PTER: variants seen among roughly 807,000 people sequenced by gnomAD.
PTER encodes phosphotriesterase related.
PTER carries 38 observed loss-of-function variants against 29.6 expected under a neutral mutation model. The ratio of observed to expected loss-of-function variants is 1.28; its 90% confidence interval spans 0.99 to 1.68. The LOEUF is 1.68. PTER is among the 40% of genes most tolerant of loss of function. The pLI, the probability that PTER is intolerant of heterozygous loss-of-function variation, is 0.00. For missense variants in PTER, 482 were observed against 427.8 expected, an observed-to-expected ratio of 1.13 and a Z score of -1.12; for synonymous variants, 172 against 154.5, an observed-to-expected ratio of 1.11 and a Z score of -0.84.
intron 1 of PTER, among the ~76,000 whole-genome samples, chr10:16,452,301 GT>G (rs5783503): frequency 0.58 from 79,908 of 137,550 alleles, 22,938 homozygotes; most frequent in East Asian, 0.79. Context: ...GACTTTTTTT[GT>G]TTTTTTTTTT....
chr10:16,508,256 G>A (rs1338819986), intron 4 of PTER, among the ~76,000 whole-genome samples: 1 of 151,842 alleles, frequency 6.6e-6, no homozygotes, highest in Non-Finnish European at 1.5e-5. Flanking sequence ...TTTTAGTAGA[G>A]ACGGGGTTTC....
At chr10:16,518,105 G>A (rs1241233275), downstream of PTER, among the ~76,000 whole-genome samples, 2 of 152,214 alleles carry the variant, frequency 1.3e-5, no homozygotes, top group African/African-American at 2.4e-5. Flanking sequence ...TCAGCTCAGA[G>A]AGGGAACCTG....
chr10:16,449,349 G>A (rs557746007), intron 1 of PTER, among the ~76,000 whole-genome samples: 1 of 150,100 alleles, frequency 6.7e-6, no homozygotes, highest in African/African-American at 2.4e-5. Context: ...TGGACCCACT[G>A]TATTTCAGAC....
chr10:16,506,774 A>G (rs1836585874), intron 4 of PTER, among the ~76,000 whole-genome samples: 1 of 133,938 alleles, frequency 7.5e-6, no homozygotes, highest in Non-Finnish European at 1.5e-5. Context: ...TGAGAAAAAA[A>G]GAGTGGATTT....
At chr10:16,458,226 T>G (rs1333309451) in intron 1 of PTER, among the ~76,000 whole-genome samples, 1 of 132,890 alleles carries the variant, frequency 7.5e-6, no homozygotes, top group East Asian at 2.9e-4. Flanking sequence ...TGCCCAGCAC[T>G]TTTTTTTTTT....
intron 2 of PTER, among the ~76,000 whole-genome samples, chr10:16,486,064 A>G (rs1248568314): frequency 6.6e-6 from 1 of 152,100 alleles, no homozygotes; most frequent in African/African-American, 2.4e-5. Flanking sequence ...TTCATCCTGA[A>G]TGTACTCTCA....
chr10:16,457,659 G>A (rs1441141368), intron 1 of PTER, among the ~76,000 whole-genome samples: 1 of 152,040 alleles, frequency 6.6e-6, no homozygotes, highest in African/African-American at 2.4e-5. Flanking sequence ...GAGTGCAGTG[G>A]CCTGATCTTG....
chr10:16,479,967 T>C (rs1272664619), intron 1 of PTER, among the ~76,000 whole-genome samples: 1 of 150,178 alleles, frequency 6.7e-6, no homozygotes, highest in African/African-American at 2.4e-5. Context: ...GCAAAAATAA[T>C]TCTGGTTTTT....
intron 3 of PTER, chr10:16,486,939 G>A (rs569349112): frequency 1.3e-5 from 3 of 226,230 alleles, no homozygotes; most frequent in South Asian, 2.0e-4. Flanking sequence ...CTCATGGGAT[G>A]CTATCAAAGT....
chr10:16,465,379 A>G (rs1297890708), intron 1 of PTER, among the ~76,000 whole-genome samples: 1 of 152,202 alleles, frequency 6.6e-6, no homozygotes, highest in Non-Finnish European at 1.5e-5. Flanking sequence ...GCAACATTAA[A>G]TTGAAATGTA....
In PTER at chr10:16,484,593, A is replaced by AAACG; in HGVS notation, c.209_210insAACG (p.Asn70LysfsTer20). 9 of 1,614,018 alleles carry AAACG rather than the reference A, an allele frequency of 5.6e-6. No homozygotes were observed. Among genetic ancestry groups the AAACG allele is most frequent in the Non-Finnish European group, 7.6e-6 (9 of 1,179,992 alleles). Reference sequence around the variant, plus strand: ...AAAAACGCCTATTCCCATAAAGAAAACCTTCAATTAAATCAGGAGACAGAA... The same window carrying AAACG: ...AAAAACGCCTATTCCCATAAAGAAAAAACGCCTTCAATTAAATCAGGAGACAGAA... On this transcript the variant is annotated frameshift_variant, in exon 2 of 5. Transcript: ENST00000535784. LOFTEE classifies it high-confidence loss of function.
At chr10:16,501,466 A>G (rs115974989) in intron 3 of PTER, among the ~76,000 whole-genome samples, 2,912 of 152,152 alleles carry the variant, frequency 0.019, 92 homozygotes, top group African/African-American at 0.066. Context: ...CAAATTGTCT[A>G]AAATAACTGT....
intron 1 of PTER, among the ~76,000 whole-genome samples, chr10:16,457,615 T>C (rs1480507364): frequency 1.3e-5 from 2 of 151,808 alleles, no homozygotes; most frequent in Non-Finnish European, 2.9e-5. Context: ...TTTTTGTTTT[T>C]TTGAGAAAGA....
intron 1 of PTER, among the ~76,000 whole-genome samples, chr10:16,444,240 G>T (rs1487732357): frequency 6.6e-6 from 1 of 151,860 alleles, no homozygotes; most frequent in Non-Finnish European, 1.5e-5. Flanking sequence ...TGATCTACCC[G>T]CCTCGGCCTC....
At chr10:16,468,320 T>G (rs2130228) in intron 1 of PTER, among the ~76,000 whole-genome samples, 92,468 of 151,714 alleles carry the variant, frequency 0.61, 29,016 homozygotes, top group East Asian at 0.81. Context: ...CCAGCCTGGG[T>G]GACAGAGCAA....
At chr10:16,495,516 A>G (rs1836062236) in intron 3 of PTER, among the ~76,000 whole-genome samples, 1 of 152,202 alleles carries the variant, frequency 6.6e-6, no homozygotes, top group African/African-American at 2.4e-5. Flanking sequence ...AGTCACTGAA[A>G]TTCAACAATT....
chr10:16,514,303 A>ATTTGC, downstream of PTER: 1 of 569,056 alleles, frequency 1.8e-6, no homozygotes, highest in Non-Finnish European at 3.1e-6. Flanking sequence ...GATAAGGAGT[A>ATTTGC]TTTGCTTTGG....
chr10:16,460,366 T>A (rs930318667), intron 1 of PTER, among the ~76,000 whole-genome samples: 2 of 152,174 alleles, frequency 1.3e-5, no homozygotes, highest in Non-Finnish European at 1.5e-5. Flanking sequence ...AGAGACTGGG[T>A]TCTAGTTTAG....
intron 1 of PTER, among the ~76,000 whole-genome samples, chr10:16,438,947 G>C (rs1362389296): frequency 6.7e-6 from 1 of 149,548 alleles, no homozygotes; most frequent in Admixed American, 6.7e-5. Context: ...AAGGTAAGTG[G>C]TCTCTAGGTC....
Sources: allele counts gnomAD v4.1 joint callset (sites outside exome capture counted in the v4.1 genomes callset), GRCh38; gene constraint gnomAD v4.1.1; transcripts MANE v1.5; gene names NCBI Gene and HGNC (gene_info 2026-07-23, HGNC 2026-07-21).